The following CHGA variants were observed in gnomAD, a reference collection of about 807,000 sequenced individuals.
CHGA encodes chromogranin A.
Under a neutral mutation model 54.4 loss-of-function variants are expected in CHGA, and 41 were observed. The ratio of observed to expected loss-of-function variants is 0.75; its 90% CI spans 0.59 to 0.98. The LOEUF is 0.98. Ranked by LOEUF, CHGA falls within the 50% of genes least tolerant of loss-of-function variation. CHGA has a pLI of 0.00. For missense variants in CHGA, 576 were observed against 582.3 expected, an observed-to-expected ratio of 0.99 and a Z score of 0.11; for synonymous variants, 249 against 232.8, an observed-to-expected ratio of 1.07 and a Z score of -0.63.
chr14:92,926,186 G>C (rs1195427245), intron 2 of CHGA: 1 of 200,282 alleles, frequency 5.0e-6, no homozygotes, highest in East Asian at 1.1e-4. Flanking sequence ...CAGTCCAGAA[G>C]GACTTCCTGG....
intron 3 of CHGA, 67 bp downstream of exon 3, chr14:92,926,765 T>C: frequency 7.8e-7 from 1 of 1,288,052 alleles, no homozygotes; most frequent in Non-Finnish European, 1.1e-6. Context: ...CATGGGTGTG[T>C]GGCTTTTGGT....
At position 92,931,232 on chromosome 14, in the gene CHGA, G is replaced by A. The variant is rs756508466; in HGVS notation, c.356-18G>A. 6.3e-7 allele frequency: 1 copy of A among 1,595,548 alleles called. No homozygotes were observed. The highest frequency in any genetic ancestry group is 1.1e-5 in the South Asian group (1 of 89,200). ...GGCCCAGTCCTCAGGGCCTGACTTGGCTGTGCTGTGTCTGCAGAGGCGGTG... is the reference window on the plus strand; with the variant it reads ...GGCCCAGTCCTCAGGGCCTGACTTGACTGTGCTGTGTCTGCAGAGGCGGTG... On this transcript the variant is annotated intron_variant, in intron 5 of 7. Transcript: ENST00000216492.
Position 92,932,903 on chromosome 14 carries a change from GC to G in CHGA, c.1290+53del. The G allele has an allele frequency of 6.9e-7, 1 of 1,450,674 alleles. No homozygotes were observed. The highest frequency in any genetic ancestry group is 9.1e-7 in the Non-Finnish European group (1 of 1,099,898). 89.9% of individuals were successfully genotyped at this position (1,450,674 alleles called of 1,614,324 possible). A position where few individuals can be genotyped will look rare whatever the true frequency, so the allele number is the denominator to read the frequency against. The stretch of plus-strand genomic sequence containing the variant: ...GTGCCAGGCCACGGAGCAGCAGGGG[GC>G]AGCCGCACCCAGACACACTGCCCCT... On this transcript the variant is annotated intron_variant, in intron 7 of 7. Coordinates refer to ENST00000216492, the MANE Select transcript of CHGA (RefSeq NM_001275.4). This position sits in a 1 kb window ranked among gnomAD's most constrained non-coding sequence, Gnocchi z 5.3.
chr14:92,924,351 C>T (rs1188925501), intron 2 of CHGA, 106 bp downstream of exon 2: 1 of 1,100,472 alleles, frequency 9.1e-7, no homozygotes, highest in African/African-American at 1.6e-5. Context: ...CAAGAGCCAG[C>T]ACTGCGGCTG....
chr14:92,926,714 TA>T lies in CHGA; in HGVS notation c.187+17del. 1 of 1,609,058 alleles carries T rather than the reference TA, an allele frequency of 6.2e-7. No individual in the cohort carries two copies. Among genetic ancestry groups the T allele is most frequent in the Non-Finnish European group, 8.5e-7 (1 of 1,175,672 alleles). ...CTCCGAGGAGGTATGAGCTGGAGGC[TA>T]GGGGTGAGGGCTGCTGCCTGCTGGG... On this transcript the variant is annotated intron_variant, in intron 3 of 7. Coordinates refer to ENST00000216492, the MANE Select transcript of CHGA (RefSeq NM_001275.4).
chr14:92,932,834 G>A lies in CHGA; in HGVS notation c.1273G>A (p.Ala425Thr), dbSNP rs769369863. The change falls in exon 7 of 8, where the codon GCA becomes ACA. Residue 425 changes from alanine to threonine, a missense_variant. Transcript: ENST00000216492. This position sits in a 1 kb window ranked among gnomAD's most constrained non-coding sequence, Gnocchi z 5.3. ...PEEKKEEEGS[A>T]NRRPEDQELE... The stretch of plus-strand genomic sequence containing the variant: ...GGAGAAGAAAGAGGAGGAGGGCAGC[G>A]CAAACCGCAGACCAGAGGTTGGTAT... 4.7e-5 allele frequency: 71 copies of A among 1,506,894 alleles called. No individual in the cohort carries two copies. The highest frequency in any genetic ancestry group is 1.5e-4 in the Admixed American group (7 of 45,788). 93.3% of individuals were successfully genotyped at this position (1,506,894 alleles called of 1,614,324 possible). A position where few individuals can be genotyped will look rare whatever the true frequency, so the allele number is the denominator to read the frequency against.
At chr14:92,926,442 G>A (rs1027145293) in intron 2 of CHGA, 163 bp from the exon 3 acceptor site, 1 of 628,178 alleles carries the variant, frequency 1.6e-6, no homozygotes, top group African/African-American at 1.8e-5. Flanking sequence ...TGCTATCACT[G>A]TCTGGCTAAG....
chr14:92,932,122 T>C lies in CHGA; in HGVS notation c.809-248T>C, dbSNP rs143286056. 1.1e-3 allele frequency: 573 copies of C among 499,554 alleles called. 2 individuals carry two copies. Among genetic ancestry groups the C allele is most frequent in the African/African-American group, 9.3e-3 (483 of 52,078 alleles). 30.9% of individuals were successfully genotyped at this position (499,554 alleles called of 1,614,324 possible). ...CTCCCGCTGCGGGCCTGTCAGGGTC[T>C]TTCCTCACTCTCCAGCTGCCGGGCT... On this transcript the variant is annotated intron_variant, in intron 6 of 7. Transcript: ENST00000216492. The surrounding 1 kb of genome is among the most constrained non-coding windows in gnomAD (Gnocchi z 5.3).
Position 92,934,917 on chromosome 14 carries a change from C to A in CHGA, c.*33C>A. ...GCTGGCAGGGCTGGCCCCAGGGCAC[C>A]CTGTGGCCCTGGCTCTGCTGTCCCC... On this transcript the variant is annotated 3_prime_UTR_variant, in exon 8 of 8. Coordinates refer to ENST00000216492, the MANE Select transcript of CHGA (RefSeq NM_001275.4). 6.6e-7 allele frequency: 1 copy of A among 1,522,560 alleles called. No homozygotes were observed. Among genetic ancestry groups the A allele is most frequent in the East Asian group, 2.5e-5 (1 of 39,900 alleles). 94.3% of individuals were successfully genotyped at this position (1,522,560 alleles called of 1,614,324 possible).
rs1469743116 is a variant in CHGA, at chr14:92,932,958, C to G, written c.1290+107C>G. 1 of 1,417,440 alleles carries G rather than the reference C, an allele frequency of 7.1e-7. No homozygotes were observed. The highest frequency in any genetic ancestry group is 2.9e-5 in the Admixed American group (1 of 34,356). The allele number at this position is 1,417,440 out of a possible 1,614,324, so 87.8% of individuals were successfully genotyped here. A position where few individuals can be genotyped will look rare whatever the true frequency, so the allele number is the denominator to read the frequency against. Reference sequence around the variant, plus strand: ...CCACTGAGGGGACAGGGCCCCCCCGCCGAAGTCTGGGGATGGAGAGATGCT... The same window carrying G: ...CCACTGAGGGGACAGGGCCCCCCCGGCGAAGTCTGGGGATGGAGAGATGCT... On this transcript the variant is annotated intron_variant, in intron 7 of 7. Transcript: ENST00000216492. The surrounding 1 kb of genome is among the most constrained non-coding windows in gnomAD (Gnocchi z 5.3).
Position 92,932,684 on chromosome 14 carries a change from T to G in CHGA, c.1123T>G (p.Ser375Ala). 6.2e-7 allele frequency: 1 copy of G among 1,609,820 alleles called. No individual in the cohort carries two copies. The highest frequency in any genetic ancestry group is 1.7e-5 in the Admixed American group (1 of 59,840). Residue 375 changes from serine to alanine, a missense_variant, in exon 7 of 8, where the codon TCC (serine) becomes GCC (alanine). Physicochemically the swap from Ser to Ala is moderately conservative, Grantham distance 99. Transcript: ENST00000216492. The surrounding 1 kb of genome is among the most constrained non-coding windows in gnomAD (Gnocchi z 5.3). Reference sequence around the variant, plus strand: ...CAACCGGGACAGTTCCATGAAGCTCTCCTTCCGGGCCCGGGCCTACGGCTT... The same window carrying G: ...CAACCGGGACAGTTCCATGAAGCTCGCCTTCCGGGCCCGGGCCTACGGCTT... ...EDNRDSSMKL[S>A]FRARAYGFRG...
In CHGA at chr14:92,923,611, C is replaced by T. The variant is rs544439945; in HGVS notation, c.46+206C>T. 5.3e-5 allele frequency among the ~76,000 whole-genome samples: 8 copies of T among 152,330 alleles called. No individual in the cohort carries two copies. The South Asian group carries it at 1.5e-3, about 28-fold the overall frequency. Reference sequence around the variant, plus strand: ...CCCACAAGACACTTGGGCCTGACTCCCAACCCCCCGGGGCAACTCCCCCTT... The same window carrying T: ...CCCACAAGACACTTGGGCCTGACTCTCAACCCCCCGGGGCAACTCCCCCTT... On this transcript the variant is annotated intron_variant, in intron 1 of 7. Coordinates refer to ENST00000216492, the MANE Select transcript of CHGA (RefSeq NM_001275.4).
In CHGA at chr14:92,932,372, C is replaced by T. The variant is rs9658662; in HGVS notation, c.811C>T (p.Arg271Trp). 4.2e-3 allele frequency: 6,642 copies of T among 1,578,736 alleles called. 17 individuals are homozygous for T. Among genetic ancestry groups the T allele is most frequent in the Non-Finnish European group, 5.2e-3 (6,025 of 1,162,664 alleles). ...CTCTTGCCCACCACCTGCTCCAGGT[C>T]GGTCGGAGGCTCTGGCTGTGGATGG... ...GYKEIRKGES[R>W]SEALAVDGAG... Residue 271 changes from arginine to tryptophan, a missense_variant and splice_region_variant, in exon 7 of 8, where the codon CGG becomes TGG. Transcript: ENST00000216492. The surrounding 1 kb of genome is among the most constrained non-coding windows in gnomAD (Gnocchi z 5.3).
intron 1 of CHGA, 55 bp downstream of exon 1, chr14:92,923,460 T>A: frequency 8.1e-7 from 1 of 1,231,022 alleles, no homozygotes; most frequent in Non-Finnish European, 1.0e-6. Flanking sequence ...CTGCCCACCT[T>A]GAGGTCCGGG....
chr14:92,927,880 G>T (rs1195443240), intron 4 of CHGA, among the ~76,000 whole-genome samples: 3 of 152,164 alleles, frequency 2.0e-5, no homozygotes, highest in Admixed American at 2.0e-4. Context: ...TAAAACCCAC[G>T]GCCTCTGCAG....
At position 92,932,933 on chromosome 14, in the gene CHGA, C is replaced by A; in HGVS notation, c.1290+82C>A. 1 of 1,438,646 alleles carries A rather than the reference C, an allele frequency of 7.0e-7. No homozygotes were observed. Among genetic ancestry groups the A allele is most frequent in the Non-Finnish European group, 9.2e-7 (1 of 1,092,816 alleles). The allele number at this position is 1,438,646 out of a possible 1,614,324, so 89.1% of individuals were successfully genotyped here. On this transcript the variant is annotated intron_variant, in intron 7 of 7. Transcript: ENST00000216492. The surrounding 1 kb of genome is among the most constrained non-coding windows in gnomAD (Gnocchi z 5.3). ...CGCACCCAGACACACTGCCCCTGCC[C>A]CACTGAGGGGACAGGGCCCCCCCGC...
At chr14:92,929,416 C>T (rs947293514) in intron 4 of CHGA, among the ~76,000 whole-genome samples, 3 of 152,166 alleles carry the variant, frequency 2.0e-5, no homozygotes, top group Admixed American at 6.5e-5. Flanking sequence ...AACTCCTGCC[C>T]CTGGGATCCT....
intron 5 of CHGA, 54 bp downstream of exon 5, chr14:92,929,869 C>G: frequency 1.4e-6 from 2 of 1,447,298 alleles, no homozygotes; most frequent in South Asian, 2.3e-5. Flanking sequence ...GCAGTGGGAA[C>G]AGTGGCTATG....
rs1217638865 is a variant in CHGA at position 92,931,379 on chromosome 14, A to G, written c.485A>G (p.Lys162Arg). 4 of 1,613,108 alleles carry G rather than the reference A, an allele frequency of 2.5e-6. No individual in the cohort carries two copies. The highest frequency in any genetic ancestry group is 2.7e-5 in the African/African-American group (2 of 75,058). ...CTCCCGGAGCCCATGCAGGAGTCCA[A>G]GGCTGAGGGGAACAATCAGGCCCCT... Reference protein sequence around the residue: ...QALPEPMQESKAEGNNQAPGE... With the variant: ...QALPEPMQESRAEGNNQAPGE... Residue 162 changes from lysine (K) to arginine (R), a missense_variant, in exon 6 of 8, where the codon AAG (lysine) becomes AGG (arginine). Transcript: ENST00000216492.
Sources: allele counts gnomAD v4.1 joint callset (sites outside exome capture counted in the v4.1 genomes callset), GRCh38; gene constraint gnomAD v4.1.1; non-coding constraint Gnocchi (gnomAD v3.1); transcripts MANE v1.5; gene names NCBI Gene and HGNC (gene_info 2026-07-23, HGNC 2026-07-21).